PRELID2: variants seen among roughly 807,000 people sequenced by gnomAD.
PRELID2 encodes PRELI domain containing 2.
Under a neutral mutation model 28.4 loss-of-function variants are expected in PRELID2, and 25 were observed. That is an observed-to-expected ratio of 0.88 (90% CI 0.64 to 1.23). PRELID2 has a LOEUF of 1.23. Among genes scored for constraint, PRELID2 ranks in the 50% most tolerant of loss-of-function variants. The pLI, the probability that PRELID2 is intolerant of heterozygous loss-of-function variation, is 0.00. For synonymous variants in PRELID2, 76 were observed against 71.6 expected (o/e 1.06, Z -0.31); for missense variants, 201 against 214.4 (o/e 0.94, Z 0.39).
At chr5:145,602,336 G>A (rs75320209) in intron 1 of PRELID2, among the ~76,000 whole-genome samples, 10,655 of 152,226 alleles carry the variant, frequency 0.07, 570 homozygotes, top group Admixed American at 0.18. Context: ...AAGTAACAGT[G>A]AGGAAAATAA....
chr5:145,445,926 A>G, the PRELID2 span, among the ~76,000 whole-genome samples: 1 of 152,244 alleles, frequency 6.6e-6, no homozygotes, highest in South Asian at 2.1e-4. Flanking sequence ...AGCTAAAAAT[A>G]GTGATTTTAC....
chr5:145,634,902 G>C (rs1753979974), intron 1 of PRELID2, among the ~76,000 whole-genome samples: 1 of 152,066 alleles, frequency 6.6e-6, no homozygotes, highest in African/African-American at 2.4e-5. Flanking sequence ...TCAAAGCTTA[G>C]CCCAGTCTTC....
chr5:145,419,945 A>C, the PRELID2 span, among the ~76,000 whole-genome samples: 3 of 152,018 alleles, frequency 2.0e-5, no homozygotes, highest in African/African-American at 7.2e-5. Context: ...AGCTTTCTAC[A>C]TATGGCTAGC....
the PRELID2 span, among the ~76,000 whole-genome samples, chr5:145,454,708 G>T: frequency 3.2e-4 from 49 of 152,100 alleles, no homozygotes; most frequent in African/African-American, 1.1e-3. Context: ...AAATACCTAG[G>T]ATTTGCATTC....
the PRELID2 span, among the ~76,000 whole-genome samples, chr5:145,438,445 T>A: frequency 6.6e-6 from 1 of 152,108 alleles, no homozygotes; most frequent in African/African-American, 2.4e-5. Context: ...CTTAACCTCT[T>A]TTCCCACTCC....
At chr5:145,501,131 A>G (rs1752356710) in intron 1 of PRELID2, among the ~76,000 whole-genome samples, 1 of 152,108 alleles carries the variant, frequency 6.6e-6, no homozygotes, top group Non-Finnish European at 1.5e-5. Flanking sequence ...AGGCCACCCC[A>G]CCATCAATTC....
At chr5:145,512,853 G>A (rs150087040) in intron 1 of PRELID2, among the ~76,000 whole-genome samples, 211 of 152,302 alleles carry the variant, frequency 1.4e-3, no homozygotes, top group African/African-American at 4.7e-3. Context: ...AGGGTGTGGA[G>A]TGGACCTTCA....
chr5:145,328,995 G>C, the PRELID2 span, among the ~76,000 whole-genome samples: 3 of 152,090 alleles, frequency 2.0e-5, no homozygotes, highest in African/African-American at 7.2e-5. Context: ...TCTGCATATG[G>C]CTAGCCAGTT....
chr5:145,428,673 TA>T, the PRELID2 span, among the ~76,000 whole-genome samples: 3 of 152,068 alleles, frequency 2.0e-5, no homozygotes, highest in Admixed American at 2.0e-4. Context: ...CCCTAGAACT[TA>T]AAATATAATA....
chr5:145,593,913 T>C (rs560340589), intron 1 of PRELID2, among the ~76,000 whole-genome samples: 1 of 152,332 alleles, frequency 6.6e-6, no homozygotes, highest in African/African-American at 2.4e-5. Context: ...TCTGGGAACC[T>C]TGAACACTAA....
At chr5:145,738,346 C>G (rs899206177) in intron 1 of PRELID2, among the ~76,000 whole-genome samples, 10 of 152,076 alleles carry the variant, frequency 6.6e-5, no homozygotes, top group African/African-American at 2.2e-4. Flanking sequence ...AAAAGGCAAG[C>G]AATGGATGCC....
At chr5:145,504,478 C>G (rs987787919) in intron 1 of PRELID2, among the ~76,000 whole-genome samples, 2 of 152,138 alleles carry the variant, frequency 1.3e-5, no homozygotes, top group Admixed American at 1.3e-4. Context: ...AACATTTTAT[C>G]TTTCATGTTC....
At chr5:145,413,587 C>G in the PRELID2 span, among the ~76,000 whole-genome samples, 1 of 150,172 alleles carries the variant, frequency 6.7e-6, no homozygotes, top group Non-Finnish European at 1.5e-5. Flanking sequence ...AAATCCCCAT[C>G]AACCAACAAG....
chr5:145,636,121 C>T (rs1753996855), intron 1 of PRELID2, among the ~76,000 whole-genome samples: 1 of 152,190 alleles, frequency 6.6e-6, no homozygotes, highest in Non-Finnish European at 1.5e-5. Flanking sequence ...ATTCTAAGCA[C>T]TTTACATTCA....
the PRELID2 span, among the ~76,000 whole-genome samples, chr5:145,298,815 T>C: frequency 2.6e-5 from 4 of 152,160 alleles, no homozygotes; most frequent in Non-Finnish European, 5.9e-5. Context: ...AGTATACATT[T>C]TAAAGTTATA....
chr5:145,566,174 G>C (rs990390145), intron 1 of PRELID2, among the ~76,000 whole-genome samples: 1 of 152,216 alleles, frequency 6.6e-6, no homozygotes, highest in Non-Finnish European at 1.5e-5. Context: ...AATAGCCCCT[G>C]TATCTCTATG....
the PRELID2 span, among the ~76,000 whole-genome samples, chr5:145,240,191 A>G: frequency 1.3e-5 from 2 of 151,922 alleles, no homozygotes; most frequent in African/African-American, 4.8e-5. Context: ...CACTCTCTAC[A>G]TTGAGCAAAT....
chr5:145,412,846 C>T, the PRELID2 span, among the ~76,000 whole-genome samples: 9 of 152,196 alleles, frequency 5.9e-5, no homozygotes, highest in South Asian at 2.1e-4. Context: ...ACAATCATGG[C>T]GGAAGGCACG....
At chr5:145,811,210 C>A (rs184861265) in intron 4 of PRELID2, among the ~76,000 whole-genome samples, 1 of 150,970 alleles carries the variant, frequency 6.6e-6, no homozygotes, top group Admixed American at 6.6e-5. Flanking sequence ...CCTGCCCCCA[C>A]GATTTAATTG....
Sources: allele counts gnomAD v4.1 joint callset (sites outside exome capture counted in the v4.1 genomes callset), GRCh38; gene constraint gnomAD v4.1.1; transcripts MANE v1.5; gene names NCBI Gene and HGNC (gene_info 2026-07-23, HGNC 2026-07-21).